HDAC9: variants seen among roughly 807,000 people sequenced by gnomAD.
The protein encoded by HDAC9 is histone deacetylase 9.
HDAC9 carries 41 observed loss-of-function variants against 139.4 expected under a neutral mutation model. That is an observed-to-expected ratio of 0.29 (90% confidence interval 0.23 to 0.38). The LOEUF (loss-of-function observed/expected upper bound fraction) is 0.38. Among genes scored for constraint, HDAC9 ranks in the 10% least tolerant of loss-of-function variants. The pLI is 1.00. For missense variants in HDAC9, 1,147 were observed against 1,297.0 expected (o/e 0.88, Z 1.78); for synonymous variants, 517 against 476.2 (o/e 1.09, Z -1.12).
chr7:18,509,940 A>G (rs770524035), intron 2 of HDAC9, among the ~76,000 whole-genome samples: 35 of 152,302 alleles, frequency 2.3e-4, no homozygotes, highest in Admixed American at 4.6e-4. Context: ...TACCTAGCAT[A>G]TAATTGATCC....
chr7:18,186,114 A>G (rs918689098), intron 2 of HDAC9, among the ~76,000 whole-genome samples: 35 of 152,230 alleles, frequency 2.3e-4, no homozygotes, highest in African/African-American at 8.4e-4. Flanking sequence ...CAAGCCTTAG[A>G]GACTTGCCTA....
rs976109095 is a variant in HDAC9, at chr7:18,143,006, G to A, written c.-96-19223G>A. On this transcript the variant is annotated intron_variant, in intron 1 of 12. Coordinates refer to the HDAC9 transcript ENST00000417496. ...CCTCCAGGGCAGGGGATGTCCTTCA[G>A]TTCCATCCTTGGATCCCTAGTTTTG... Among the ~76,000 whole-genome samples, 59 of 152,266 alleles carry A rather than the reference G, an allele frequency of 3.9e-4. 1 individual carries two copies. Among genetic ancestry groups the A allele is most frequent in the Non-Finnish European group, 4.4e-4 (30 of 68,030 alleles).
intron 2 of HDAC9, among the ~76,000 whole-genome samples, chr7:18,258,445 C>T (rs1027695411): frequency 6.6e-6 from 1 of 152,150 alleles, no homozygotes; most frequent in African/African-American, 2.4e-5. Context: ...AAGCAATGTA[C>T]ACTGTACCCA....
At chr7:18,981,858 T>G (rs922590024) in intron 25 of HDAC9, among the ~76,000 whole-genome samples, 3 of 152,148 alleles carry the variant, frequency 2.0e-5, no homozygotes, top group Non-Finnish European at 4.4e-5. Flanking sequence ...TTGGGGACTA[T>G]TATTCTTCCT....
intron 1 of HDAC9, among the ~76,000 whole-genome samples, chr7:18,359,052 C>T (rs1783559479): frequency 1.3e-5 from 2 of 152,216 alleles, no homozygotes; most frequent in African/African-American, 4.8e-5. Flanking sequence ...CCCAGTACTT[C>T]TTTCTTAAAT....
At chr7:18,462,503 T>C (rs1793934366) in intron 1 of HDAC9, among the ~76,000 whole-genome samples, 1 of 152,070 alleles carries the variant, frequency 6.6e-6, no homozygotes, top group African/African-American at 2.4e-5. Context: ...ATTAGAATTA[T>C]AGCAAGCAAG....
intron 1 of HDAC9, among the ~76,000 whole-genome samples, chr7:18,441,972 G>C (rs1169623704): frequency 2.0e-5 from 3 of 152,028 alleles, no homozygotes; most frequent in African/African-American, 7.2e-5. Flanking sequence ...GGGTTTCACT[G>C]TATTTGCCAG....
intron 2 of HDAC9, chr7:18,509,546 ATC>A (rs1275697623): frequency 1.4e-6 from 1 of 706,060 alleles, no homozygotes; most frequent in African/African-American, 1.9e-5. Flanking sequence ...CTGCTTGTTT[ATC>A]TGTTTTTGTT....
intron 2 of HDAC9, among the ~76,000 whole-genome samples, chr7:18,188,887 T>G (rs1001013102): frequency 1.3e-5 from 2 of 152,164 alleles, no homozygotes; most frequent in Admixed American, 6.5e-5. Context: ...GCTTTTACAC[T>G]GTTGGTGGGG....
At chr7:18,628,451 G>A (rs1462731501) in intron 6 of HDAC9, among the ~76,000 whole-genome samples, 1 of 152,146 alleles carries the variant, frequency 6.6e-6, no homozygotes, top group African/African-American at 2.4e-5. Flanking sequence ...AATGTTAATT[G>A]TTATGAGAAA....
At chr7:18,425,470 G>A (rs1790034469) in intron 1 of HDAC9, among the ~76,000 whole-genome samples, 1 of 152,164 alleles carries the variant, frequency 6.6e-6, no homozygotes, top group Admixed American at 6.6e-5. Context: ...TAGGGAGAGA[G>A]CTGCTATCTG....
At chr7:18,932,691 T>A (rs544932651) in intron 22 of HDAC9, among the ~76,000 whole-genome samples, 180 of 151,766 alleles carry the variant, frequency 1.2e-3, no homozygotes, top group African/African-American at 4.3e-3. Flanking sequence ...AAGAAAATAC[T>A]CCTAAATAAA....
intron 16 of HDAC9, among the ~76,000 whole-genome samples, chr7:18,770,053 A>T (rs1790157307): frequency 6.6e-6 from 1 of 152,136 alleles, no homozygotes; most frequent in Admixed American, 6.6e-5. Context: ...TGAGGACCCT[A>T]CCTGGGACAT....
chr7:18,415,496 G>A (rs1172659783), intron 1 of HDAC9, among the ~76,000 whole-genome samples: 1 of 152,130 alleles, frequency 6.6e-6, no homozygotes, highest in Non-Finnish European at 1.5e-5. Context: ...GATGATTAGT[G>A]TAATACTTCA....
chr7:18,556,941 T>C (rs963089962), intron 2 of HDAC9, among the ~76,000 whole-genome samples: 2 of 152,088 alleles, frequency 1.3e-5, no homozygotes, highest in Non-Finnish European at 2.9e-5. Context: ...TTCAGTCTTT[T>C]ATTTGCTTCC....
At chr7:18,881,809 T>C (rs187542076) in intron 22 of HDAC9, among the ~76,000 whole-genome samples, 23 of 152,228 alleles carry the variant, frequency 1.5e-4, no homozygotes, top group African/African-American at 5.3e-4. Context: ...AGGGACTCAA[T>C]GCCTTGTCTT....
At chr7:18,310,252 A>G (rs1186964105) in intron 1 of HDAC9, among the ~76,000 whole-genome samples, 1 of 152,176 alleles carries the variant, frequency 6.6e-6, no homozygotes, top group Non-Finnish European at 1.5e-5. Context: ...TTTCTGTTTT[A>G]CGTATCACAG....
At chr7:18,422,762 A>G (rs1239447816) in intron 1 of HDAC9, among the ~76,000 whole-genome samples, 1 of 151,828 alleles carries the variant, frequency 6.6e-6, no homozygotes, top group African/African-American at 2.4e-5. Context: ...ACACACACAC[A>G]CACACACACA....
chr7:18,699,496 G>T (rs73069052), intron 12 of HDAC9, among the ~76,000 whole-genome samples: 1 of 152,254 alleles, frequency 6.6e-6, no homozygotes, highest in Non-Finnish European at 1.5e-5. Context: ...AATAAGAAGT[G>T]TAAGAAGTAT....
Sources: allele counts gnomAD v4.1 joint callset (sites outside exome capture counted in the v4.1 genomes callset), GRCh38; gene constraint gnomAD v4.1.1; transcripts MANE v1.5; gene names NCBI Gene and HGNC (gene_info 2026-07-23, HGNC 2026-07-21).